The following OTOG variants were observed in gnomAD, a reference collection of about 807,000 sequenced individuals.
The protein encoded by OTOG is otogelin.
In OTOG, 296 loss-of-function variants were observed where a neutral mutation model predicts 313.8. The ratio of observed to expected loss-of-function variants is 0.94; its 90% CI spans 0.86 to 1.04. OTOG has a LOEUF of 1.04. Ranked by LOEUF, OTOG falls within the 50% of genes least tolerant of loss-of-function variation. The pLI is 0.00. For missense variants in OTOG, 3,948 were observed against 3,840.1 expected (o/e 1.03, Z -0.74); for synonymous variants, 1,533 against 1,554.9 (o/e 0.99, Z 0.33).
chr11:17,636,130 C>G lies in OTOG; in HGVS notation c.7795+419C>G, dbSNP rs192045179. Among the ~76,000 whole-genome samples, 24 of 152,332 alleles carry G rather than the reference C, an allele frequency of 1.6e-4. No homozygotes were observed. The East Asian group carries it at 4.0e-3, about 26-fold the overall frequency. On this transcript the variant is annotated intron_variant, in intron 47 of 55. Coordinates refer to ENST00000399397, the MANE Select transcript of OTOG (RefSeq NM_001292063.2). ...CAGAAGGCCCTGTGTTGCAAAACCT[C>G]TGAAGCTCTTTTATTTTGTAATTAT...
intron 15 of OTOG, among the ~76,000 whole-genome samples, chr11:17,567,219 C>T (rs1852308935): frequency 6.6e-6 from 1 of 152,166 alleles, no homozygotes; most frequent in Admixed American, 6.5e-5. Flanking sequence ...CCAGAGGGGA[C>T]TAGAGGATGA....
chr11:17,632,513 G>A (rs768800483), intron 42 of OTOG, among the ~76,000 whole-genome samples: 20 of 151,996 alleles, frequency 1.3e-4, no homozygotes, highest in South Asian at 4.2e-4. Flanking sequence ...CTTTCTTTGC[G>A]TCTCTTCTCT....
chr11:17,578,589 G>A lies in OTOG; in HGVS notation c.2759+63G>A, dbSNP rs56062238. 9.2e-3 allele frequency: 13,486 copies of A among 1,459,340 alleles called. 76 individuals carry two copies. Among genetic ancestry groups the A allele is most frequent in the Non-Finnish European group, 0.01 (11,529 of 1,106,896 alleles). The allele number at this position is 1,459,340 out of a possible 1,614,324, so 90.4% of individuals were successfully genotyped here. A position where few individuals can be genotyped will look rare whatever the true frequency, so the allele number is the denominator to read the frequency against. Reference sequence around the variant, plus strand: ...GGCTGGCAGAACCAAGGGCCACAGGGTGGAGTGGGGGCAGGGAAAACATCA... The same window carrying A: ...GGCTGGCAGAACCAAGGGCCACAGGATGGAGTGGGGGCAGGGAAAACATCA... On this transcript the variant is annotated intron_variant, in intron 23 of 55. Transcript: ENST00000399397.
intron 3 of OTOG, among the ~76,000 whole-genome samples, chr11:17,551,576 T>C (rs1311706232): frequency 6.6e-6 from 1 of 151,938 alleles, no homozygotes; most frequent in Non-Finnish European, 1.5e-5. Flanking sequence ...TCCCCTGACC[T>C]GGGGTGAGGG....
chr11:17,564,679 A>T (rs1852262155), intron 15 of OTOG, among the ~76,000 whole-genome samples: 1 of 152,214 alleles, frequency 6.6e-6, no homozygotes, highest in Non-Finnish European at 1.5e-5. Context: ...GATAATGACA[A>T]TGATAAAATA....
At chr11:17,619,430 T>A (rs1049866437) in intron 39 of OTOG, among the ~76,000 whole-genome samples, 1 of 152,334 alleles carries the variant, frequency 6.6e-6, no homozygotes, top group East Asian at 1.9e-4. Flanking sequence ...GTTTATATAT[T>A]GTTGCTATTT....
At chr11:17,607,191 A>C (rs1005653636) in intron 33 of OTOG, among the ~76,000 whole-genome samples, 8 of 152,212 alleles carry the variant, frequency 5.3e-5, no homozygotes, top group African/African-American at 1.4e-4. Context: ...GTGCTCCCCA[A>C]ATGTAAGTTA....
At position 17,602,496 on chromosome 11, in the gene OTOG, T is replaced by G. The variant is rs1031607891; in HGVS notation, c.3877+119T>G. On this transcript the variant is annotated intron_variant, in intron 32 of 55. Coordinates refer to ENST00000399397, the MANE Select transcript of OTOG (RefSeq NM_001292063.2). The stretch of plus-strand genomic sequence containing the variant: ...CCGGAGAAATAGGGGCTCCGACAAG[T>G]GCCCCTCTCCCAGTTGAGATGGTGC... 1.2e-4 allele frequency: 139 copies of G among 1,152,096 alleles called. No homozygotes were observed. The East Asian group carries it at 3.5e-3, about 29-fold the overall frequency. The allele number at this position is 1,152,096 out of a possible 1,614,324, so 71.4% of individuals were successfully genotyped here.
intron 46 of OTOG, 119 bp from the exon 47 acceptor site, chr11:17,635,491 C>T (rs544236057): frequency 3.5e-5 from 26 of 750,378 alleles, no homozygotes; most frequent in South Asian, 1.8e-4. Flanking sequence ...TGCGATGCTG[C>T]CATTAGTTAG....
intron 39 of OTOG, among the ~76,000 whole-genome samples, chr11:17,627,037 C>T (rs958643593): frequency 2.6e-4 from 39 of 152,076 alleles, no homozygotes; most frequent in Non-Finnish European, 4.7e-4. Context: ...TAGTTTTTTT[C>T]CAAATATAAG....
intron 16 of OTOG, 40 bp downstream of exon 16, chr11:17,569,328 A>T: frequency 6.5e-7 from 1 of 1,549,114 alleles, no homozygotes; most frequent in Non-Finnish European, 8.7e-7. Flanking sequence ...TTGGGAACTG[A>T]GGGTTTGGAC....
At position 17,629,180 on chromosome 11, in the gene OTOG, A is replaced by T. The variant is rs532671081; in HGVS notation, c.6576A>T (p.Gly2192=). ...TGTGGCCACCGGTGAGCAGGTATGG[A>T]TTCAGAATTGAGGACACAGGCCACA... ...QPVWPPVSRY[G]FRIEDTGHMY... Residue 2192 remains glycine (G), a synonymous_variant, in exon 40 of 56, where the codon GGA becomes GGT. Transcript: ENST00000399397. The T allele has an allele frequency of 6.4e-7, 1 of 1,550,546 alleles. No individual in the cohort carries two copies. Among genetic ancestry groups the T allele is most frequent in the East Asian group, 2.4e-5 (1 of 40,918 alleles).
At chr11:17,629,105 C>A in intron 39 of OTOG, 28 bp from the exon 40 acceptor site, 1 of 1,540,180 alleles carries the variant, frequency 6.5e-7, no homozygotes, top group East Asian at 2.5e-5. Flanking sequence ...GATGGACAAG[C>A]TGTGCTCACA....
At chr11:17,613,425 A>G (rs1404922550) in intron 38 of OTOG, among the ~76,000 whole-genome samples, 187 bp from the exon 39 acceptor site, 4 of 129,624 alleles carry the variant, frequency 3.1e-5, no homozygotes, top group Non-Finnish European at 4.6e-5. Context: ...CTGGGCTTGC[A>G]TGAGGTCAGA....
chr11:17,620,616 C>A (rs1182103787), intron 39 of OTOG, among the ~76,000 whole-genome samples: 1 of 152,126 alleles, frequency 6.6e-6, no homozygotes, highest in Non-Finnish European at 1.5e-5. Context: ...TTCCTTCATA[C>A]ATAATGTAGT....
At chr11:17,583,928 T>C (rs565249443) in intron 23 of OTOG, among the ~76,000 whole-genome samples, 1 of 152,332 alleles carries the variant, frequency 6.6e-6, no homozygotes, top group East Asian at 1.9e-4. Context: ...CACCAGTAAG[T>C]CCTCCAAACC....
Position 17,635,201 on chromosome 11 carries a change from A to T in OTOG, c.7693+14A>T, listed in dbSNP as rs545542156. On this transcript the variant is annotated intron_variant, in intron 46 of 55. Coordinates refer to ENST00000399397, the MANE Select transcript of OTOG (RefSeq NM_001292063.2). ...CCTACTTCTGCGGTGGGTCGCCGCC[A>T]CCAGACGCCAGCGCACACAGCCTGA... The T allele has an allele frequency of 2.6e-3, 3,997 of 1,528,748 alleles. 10 individuals are homozygous for T. Among genetic ancestry groups the T allele is most frequent in the Non-Finnish European group, 3.1e-3 (3,582 of 1,138,610 alleles). 94.7% of individuals were successfully genotyped at this position (1,528,748 alleles called of 1,614,324 possible).
chr11:17,588,245 C>G (rs988912686), intron 24 of OTOG, among the ~76,000 whole-genome samples: 1 of 152,114 alleles, frequency 6.6e-6, no homozygotes, highest in Non-Finnish European at 1.5e-5. Context: ...AGGGACAAAC[C>G]TTAACATTTG....
intron 39 of OTOG, among the ~76,000 whole-genome samples, chr11:17,626,916 A>C (rs544097098): frequency 1.1e-3 from 161 of 152,206 alleles, no homozygotes; most frequent in African/African-American, 3.6e-3. Flanking sequence ...TATTTTTCAG[A>C]TTGTTCACTG....
Sources: gnomAD v4.1 joint callset for allele counts (sites outside exome capture counted in the v4.1 genomes callset) on GRCh38, gnomAD v4.1.1 for gene constraint, MANE v1.5 for transcripts, NCBI Gene and HGNC (gene_info 2026-07-23, HGNC 2026-07-21) for gene names.